The following PLVAP variants were observed in gnomAD, a reference collection of about 807,000 sequenced individuals.
The protein encoded by PLVAP is plasmalemma vesicle-associated protein.
Under a neutral mutation model 43.1 loss-of-function variants are expected in PLVAP, and 34 were observed. That is an observed-to-expected ratio of 0.79 (90% CI 0.60 to 1.05). The LOEUF is 1.05. PLVAP is among the 50% of genes least tolerant of loss of function. The pLI, the probability that PLVAP is intolerant of heterozygous loss-of-function variation, is 0.00. For missense variants in PLVAP, 574 were observed against 593.4 expected (o/e 0.97, Z 0.34); for synonymous variants, 241 against 237.3 (o/e 1.02, Z -0.14).
chr19:17,369,677 T>G (rs1322190018), intron 1 of PLVAP, among the ~76,000 whole-genome samples: 2 of 147,816 alleles, frequency 1.4e-5, no homozygotes, highest in African/African-American at 4.9e-5. Context: ...TTAAATAAGA[T>G]ATGCAAATGG....
At chr19:17,358,717 AG>A (rs1391772300) in intron 5 of PLVAP, among the ~76,000 whole-genome samples, 2 of 152,066 alleles carry the variant, frequency 1.3e-5, no homozygotes, top group East Asian at 3.9e-4. Flanking sequence ...CTTCCTACAG[AG>A]GCCCCTAGTC....
intron 5 of PLVAP, among the ~76,000 whole-genome samples, chr19:17,356,265 G>A (rs2074506304): frequency 6.6e-6 from 1 of 152,138 alleles, no homozygotes; most frequent in African/African-American, 2.4e-5. Context: ...AGCAGAGATT[G>A]CGCCACTGCA....
At chr19:17,364,753 C>G (rs1599575130) in intron 3 of PLVAP, among the ~76,000 whole-genome samples, 2 of 147,696 alleles carry the variant, frequency 1.4e-5, no homozygotes, top group South Asian at 4.3e-4. Flanking sequence ...CACCCTACCT[C>G]TAATTCCAGT....
rs746916181 is a variant in PLVAP, at chr19:17,360,773, G to A, written c.1239C>T (p.Ile413=). The A allele has an allele frequency of 1.1e-5, 17 of 1,613,292 alleles. No homozygotes were observed. Among genetic ancestry groups the A allele is most frequent in the Middle Eastern group, 3.3e-4 (2 of 6,084 alleles). ...TTGGCTCTGTCTTTTGTCACTCACC[G>A]ATGGGCTGGGGGTTGGGGACAGGGC... ...PMGPVPNPQP[I]DPASLEEFKR... is the part of the protein sequence containing the mutation. The change falls in exon 4 of 6, where the codon ATC becomes ATT. Residue 413 remains isoleucine, a splice_region_variant and synonymous_variant. Coordinates refer to ENST00000252590, the MANE Select transcript of PLVAP (RefSeq NM_031310.3).
chr19:17,359,564 C>A (rs1419371577), intron 5 of PLVAP, among the ~76,000 whole-genome samples: 1 of 151,616 alleles, frequency 6.6e-6, no homozygotes, highest in African/African-American at 2.4e-5. Context: ...TACCACCACG[C>A]CCAGCTACTT....
chr19:17,372,467 TA>T (rs1338995057), intron 1 of PLVAP, among the ~76,000 whole-genome samples: 6 of 149,818 alleles, frequency 4.0e-5, no homozygotes, highest in Non-Finnish European at 5.9e-5. Flanking sequence ...TTTATTTATT[TA>T]TTTTTTGAGA....
intron 3 of PLVAP, 74 bp downstream of exon 3, chr19:17,365,211 GT>G: frequency 1.4e-6 from 2 of 1,412,192 alleles, no homozygotes; most frequent in East Asian, 4.6e-5. Context: ...CCAACTCCAA[GT>G]TCAAATCGCC....
At position 17,360,751 on chromosome 19, in the gene PLVAP, GCT is replaced by G. The variant is rs757532575; in HGVS notation, c.1240+19_1240+20del. The G allele has an allele frequency of 7.5e-6, 12 of 1,610,064 alleles. No individual in the cohort carries two copies. The highest frequency in any genetic ancestry group is 8.5e-6 in the Non-Finnish European group (10 of 1,176,476). On this transcript the variant is annotated intron_variant, in intron 4 of 5. Coordinates refer to ENST00000252590, the MANE Select transcript of PLVAP (RefSeq NM_031310.3). ...TGGAAAGGGGCCCCTCCCCTACTTGGCTCTGTCTTTTGTCACTCACCGATGGG... is the reference window on the plus strand; with the variant it reads ...TGGAAAGGGGCCCCTCCCCTACTTGGCTGTCTTTTGTCACTCACCGATGGG...
intron 5 of PLVAP, among the ~76,000 whole-genome samples, chr19:17,352,788 AGGCT>A (rs1244004345): frequency 6.6e-6 from 1 of 152,094 alleles, no homozygotes; most frequent in Non-Finnish European, 1.5e-5. Context: ...TCCCAAGGCA[AGGCT>A]TCGGTCTCCC....
At chr19:17,373,261 A>T (rs1442886977) in intron 1 of PLVAP, among the ~76,000 whole-genome samples, 1 of 151,620 alleles carries the variant, frequency 6.6e-6, no homozygotes, top group Non-Finnish European at 1.5e-5. Context: ...GGCTGAGGTG[A>T]GACCTACCAT....
chr19:17,374,115 C>T (rs578227753), intron 1 of PLVAP, among the ~76,000 whole-genome samples: 64 of 151,910 alleles, frequency 4.2e-4, no homozygotes, highest in African/African-American at 1.5e-3. Flanking sequence ...TGAGCCGAGA[C>T]CTTCCACTGC....
chr19:17,359,814 T>C (rs1374130224), intron 5 of PLVAP, among the ~76,000 whole-genome samples: 1 of 149,994 alleles, frequency 6.7e-6, no homozygotes, highest in Non-Finnish European at 1.5e-5. Context: ...TGCCTCAGCC[T>C]CCTGAGTAGC....
intron 5 of PLVAP, among the ~76,000 whole-genome samples, chr19:17,355,130 A>G (rs567116766): frequency 8.6e-4 from 129 of 149,840 alleles, no homozygotes; most frequent in African/African-American, 3.0e-3. Flanking sequence ...AGGCTGAGGC[A>G]GGAGAATTGC....
chr19:17,353,043 C>A (rs987296828), intron 5 of PLVAP, among the ~76,000 whole-genome samples: 1 of 152,234 alleles, frequency 6.6e-6, no homozygotes, highest in Non-Finnish European at 1.5e-5. Context: ...ATGCCCTCCC[C>A]CTCCTGGGCC....
intron 5 of PLVAP, among the ~76,000 whole-genome samples, chr19:17,352,989 G>A (rs987993637): frequency 3.9e-5 from 6 of 152,090 alleles, no homozygotes; most frequent in East Asian, 3.8e-4. Context: ...CGCACCCTCC[G>A]GCCCCACCGC....
intron 1 of PLVAP, among the ~76,000 whole-genome samples, chr19:17,371,882 T>C (rs201716086): frequency 1.3e-5 from 2 of 152,170 alleles, no homozygotes; most frequent in Non-Finnish European, 2.9e-5. Context: ...TAATAAGACA[T>C]GAAGAATCAG....
chr19:17,364,746 C>G (rs529843588), intron 3 of PLVAP, among the ~76,000 whole-genome samples: 51 of 151,418 alleles, frequency 3.4e-4, no homozygotes, highest in African/African-American at 1.2e-3. Context: ...CGATATCCAC[C>G]CTACCTCTAA....
At chr19:17,360,722 G>A (rs372998992) in intron 4 of PLVAP, 50 bp downstream of exon 4, 28 of 1,588,396 alleles carry the variant, frequency 1.8e-5, no homozygotes, top group East Asian at 6.7e-5. Context: ...GGTGGGGTTC[G>A]AGGTGGAAAG....
At chr19:17,361,931 A>T (rs924893656) in intron 3 of PLVAP, among the ~76,000 whole-genome samples, 9 of 150,984 alleles carry the variant, frequency 6.0e-5, no homozygotes, top group Non-Finnish European at 1.0e-4. Context: ...AATAAAAAAA[A>T]AAAAATCAGC....
Sources: gnomAD v4.1 joint callset for allele counts (sites outside exome capture counted in the v4.1 genomes callset) on GRCh38, gnomAD v4.1.1 for gene constraint, MANE v1.5 for transcripts, NCBI Gene and HGNC (gene_info 2026-07-23, HGNC 2026-07-21) for gene names.